Variants in CTNNA2 observed in about 807,000 individuals in gnomAD.
CTNNA2 encodes catenin alpha 2.
CTNNA2 carries 42 observed loss-of-function variants against 101.0 expected under a neutral mutation model. The observed-to-expected ratio is 0.42, with a 90% CI of 0.32 to 0.54. CTNNA2 has a LOEUF of 0.54. Among genes scored for constraint, CTNNA2 ranks in the 20% least tolerant of loss-of-function variants. The pLI, the probability that CTNNA2 is intolerant of heterozygous loss-of-function variation, is 0.14. For synonymous variants in CTNNA2, 450 were observed against 456.4 expected (o/e 0.99, Z 0.18); for missense variants, 871 against 1,223.1 (o/e 0.71, Z 4.29).
intron 7 of CTNNA2, among the ~76,000 whole-genome samples, chr2:79,920,007 A>G (rs1003679814): frequency 1.3e-5 from 2 of 152,070 alleles, no homozygotes; most frequent in African/African-American, 4.8e-5. Flanking sequence ...ACCTGAGGTC[A>G]GGAGTTCGAG....
intron 17 of CTNNA2, chr2:80,608,620 G>A (rs548024356): frequency 7.4e-5 from 16 of 215,204 alleles, no homozygotes; most frequent in African/African-American, 3.6e-4. Context: ...TGGGGCTTTT[G>A]TATATTTACT....
chr2:79,533,711 G>A (rs1379128376), intron 1 of CTNNA2, among the ~76,000 whole-genome samples: 2 of 152,078 alleles, frequency 1.3e-5, no homozygotes, highest in Non-Finnish European at 2.9e-5. Context: ...ATGCTTTATC[G>A]ATCAGGTTCT....
intron 3 of CTNNA2, among the ~76,000 whole-genome samples, chr2:79,830,787 C>T: frequency 6.6e-6 from 1 of 152,106 alleles, no homozygotes; most frequent in East Asian, 1.9e-4. Context: ...TGCAACCTGC[C>T]CAGGTTCAAT....
At chr2:79,374,520 A>T (rs7423577) in intron 4 of CTNNA2, among the ~76,000 whole-genome samples, 21,656 of 151,798 alleles carry the variant, frequency 0.14, 1,705 homozygotes, top group Non-Finnish European at 0.17. Context: ...ATATATATAT[A>T]TTTTTCTATT....
At chr2:79,869,994 G>T (rs1682461572) in intron 5 of CTNNA2, 59 bp downstream of exon 5, 2 of 1,586,324 alleles carry the variant, frequency 1.3e-6, no homozygotes, top group African/African-American at 1.3e-5. Context: ...TAACCCTGTA[G>T]CTTTTTAGGC....
At chr2:80,499,177 T>C (rs981339923) in intron 9 of CTNNA2, among the ~76,000 whole-genome samples, 4 of 152,284 alleles carry the variant, frequency 2.6e-5, no homozygotes, top group Non-Finnish European at 5.9e-5. Flanking sequence ...AAAATGGAAG[T>C]AAGCCGAGAA....
chr2:79,247,742 G>A (rs140292887), intron 2 of CTNNA2, among the ~76,000 whole-genome samples: 43 of 152,264 alleles, frequency 2.8e-4, no homozygotes, highest in African/African-American at 1.0e-3. Context: ...TGGGCCCAAA[G>A]GTGAAGTAAA....
intron 4 of CTNNA2, chr2:79,499,033 C>T (rs1671289034): frequency 6.6e-6 from 1 of 152,212 alleles, no homozygotes; most frequent in Non-Finnish European, 1.5e-5. Context: ...CTGATTCTTT[C>T]CAATCACCTT....
intron 2 of CTNNA2, among the ~76,000 whole-genome samples, chr2:79,682,175 G>A (rs868696897): frequency 4.6e-5 from 7 of 151,980 alleles, no homozygotes; most frequent in African/African-American, 9.7e-5. Flanking sequence ...TTGGGAGGCC[G>A]AGGCAGGCGG....
intron 12 of CTNNA2, among the ~76,000 whole-genome samples, chr2:80,567,817 A>C (rs550024760): frequency 6.6e-6 from 1 of 152,252 alleles, no homozygotes; most frequent in East Asian, 1.9e-4. Flanking sequence ...CTGCACAGGA[A>C]TTAGCTGCAA....
chr2:80,620,010 C>T (rs1448018853), intron 18 of CTNNA2, among the ~76,000 whole-genome samples: 1 of 151,828 alleles, frequency 6.6e-6, no homozygotes, highest in East Asian at 1.9e-4. Flanking sequence ...CTTTTCTCCA[C>T]TTCTTTCCTC....
At chr2:79,820,293 G>A (rs2941752) in intron 3 of CTNNA2, among the ~76,000 whole-genome samples, 101,940 of 152,060 alleles carry the variant, frequency 0.67, 36,592 homozygotes, top group East Asian at 0.95. Flanking sequence ...TGGCTCATAC[G>A]TTATTGCATA....
chr2:79,455,680 A>G (rs1454494898), intron 4 of CTNNA2, among the ~76,000 whole-genome samples: 1 of 152,222 alleles, frequency 6.6e-6, no homozygotes, highest in East Asian at 1.9e-4. Flanking sequence ...ACTTGGGGTA[A>G]TCAAAGAAAT....
rs116260640 is a variant in CTNNA2 at position 79,757,111 on chromosome 2, A to T, written c.298+12529A>T. On this transcript the variant is annotated intron_variant, in intron 3 of 18. Coordinates refer to ENST00000402739, the MANE Select transcript of CTNNA2 (RefSeq NM_001282597.3). ...ACATCTATTTATATGGCATCACCTA[A>T]TCTTGTTCCATTTTCTAAAATAAAC... Among the ~76,000 whole-genome samples the T allele has an allele frequency of 3.8e-3, 585 of 152,310 alleles. 5 individuals are homozygous for T. The highest frequency in any genetic ancestry group is 0.013 in the African/African-American group (557 of 41,570).
At chr2:80,415,422 CT>C (rs532530820) in intron 8 of CTNNA2, among the ~76,000 whole-genome samples, 1 of 151,590 alleles carries the variant, frequency 6.6e-6, no homozygotes. Context: ...TTGTTTTTTT[CT>C]TTTTTTGTAG....
chr2:79,752,385 G>T (rs1672105544), intron 3 of CTNNA2, among the ~76,000 whole-genome samples: 1 of 152,174 alleles, frequency 6.6e-6, no homozygotes, highest in Non-Finnish European at 1.5e-5. Flanking sequence ...TTCAGAGATT[G>T]TGGAGAATGA....
intron 18 of CTNNA2, among the ~76,000 whole-genome samples, chr2:80,644,215 C>T: frequency 6.6e-6 from 1 of 152,100 alleles, no homozygotes; most frequent in South Asian, 2.1e-4. Context: ...TCAACTTCCT[C>T]ACTTATTAAA....
chr2:79,368,828 G>A (rs1677806968), intron 3 of CTNNA2, among the ~76,000 whole-genome samples: 1 of 152,170 alleles, frequency 6.6e-6, no homozygotes, highest in South Asian at 2.1e-4. Flanking sequence ...AGTCACTTGT[G>A]TCCCTGGGTA....
Position 80,545,938 on chromosome 2 carries a change from G to A in CTNNA2, c.1415G>A (p.Arg472Gln), listed in dbSNP as rs1224021331. 7.4e-6 allele frequency: 12 copies of A among 1,614,000 alleles called. No individual in the cohort carries two copies. Among genetic ancestry groups the A allele is most frequent in the Non-Finnish European group, 9.3e-6 (11 of 1,179,976 alleles). Residue 472 changes from arginine (R) to glutamine (Q), a missense_variant, in exon 11 of 19, where the codon CGG becomes CAG. By Grantham distance (43) the Arg-to-Gln change is conservative (BLOSUM62 1). Transcript: ENST00000402739. Reference protein sequence around the residue: ...VINAALTLAARPQSKVAQDNM... With the variant: ...VINAALTLAAQPQSKVAQDNM... ...AATGCCGCTCTGACACTGGCTGCCC[G>A]GCCACAGAGCAAAGTTGCTCAGGAT...
Sources: gnomAD v4.1 joint callset for allele counts (sites outside exome capture counted in the v4.1 genomes callset) on GRCh38, gnomAD v4.1.1 for gene constraint, MANE v1.5 for transcripts, NCBI Gene and HGNC (gene_info 2026-07-23, HGNC 2026-07-21) for gene names.